Variants in GRIA1 observed in about 807,000 individuals in gnomAD.
The protein encoded by GRIA1 is glutamate receptor 1.
A neutral mutation model predicts 99.2 loss-of-function variants in GRIA1; 31 were observed. The observed-to-expected ratio is 0.31, with a 90% CI of 0.23 to 0.42. The LOEUF (loss-of-function observed/expected upper bound fraction) is 0.42. Among genes scored for constraint, GRIA1 ranks in the 10% least tolerant of loss-of-function variants. The pLI, the probability that GRIA1 is intolerant of heterozygous loss-of-function variation, is 1.00. For synonymous variants in GRIA1, 438 were observed against 432.4 expected (o/e 1.01, Z -0.16); for missense variants, 782 against 1,157.5 (o/e 0.68, Z 4.71).
At chr5:153,685,168 C>T (rs987940740) in intron 7 of GRIA1, among the ~76,000 whole-genome samples, 3 of 152,216 alleles carry the variant, frequency 2.0e-5, no homozygotes, top group African/African-American at 7.2e-5. Context: ...GACACCTCAC[C>T]TCACTGGCCT....
intron 12 of GRIA1, among the ~76,000 whole-genome samples, chr5:153,766,870 C>G (rs1238292047): frequency 6.6e-6 from 1 of 152,176 alleles, no homozygotes; most frequent in Non-Finnish European, 1.5e-5. Context: ...TGACATATTA[C>G]TGCCTCTTGT....
chr5:153,763,492 T>A (rs1294410319), intron 11 of GRIA1, among the ~76,000 whole-genome samples: 1 of 152,216 alleles, frequency 6.6e-6, no homozygotes, highest in Admixed American at 6.5e-5. Flanking sequence ...ACTTCCTTGA[T>A]AAATTGAACA....
At chr5:153,711,196 G>A (rs149484648) in intron 11 of GRIA1, among the ~76,000 whole-genome samples, 136 of 152,250 alleles carry the variant, frequency 8.9e-4, no homozygotes, top group Non-Finnish European at 1.5e-3. Context: ...ACCATTGGAG[G>A]GTTTTAAGCA....
chr5:153,560,504 T>G (rs932702285), intron 2 of GRIA1, among the ~76,000 whole-genome samples: 1 of 152,062 alleles, frequency 6.6e-6, no homozygotes, highest in Non-Finnish European at 1.5e-5. Context: ...TGGGTGTGTG[T>G]TTTTCCGTGC....
Position 153,737,182 on chromosome 5 carries a change from G to T in GRIA1, c.1824-27252G>T, listed in dbSNP as rs1186237045. Among the ~76,000 whole-genome samples, 4 of 149,186 alleles carry T rather than the reference G, an allele frequency of 2.7e-5. No individual in the cohort carries two copies. In the East Asian group the frequency reaches 8.0e-4, roughly 30 times the overall value. ...TTATCATAGTAATAATCACTACCTT[G>T]TTTATCCAGTACCTGAAAGCATTAA... On this transcript the variant is annotated intron_variant, in intron 11 of 15. Transcript: ENST00000285900.
intron 7 of GRIA1, among the ~76,000 whole-genome samples, chr5:153,678,534 G>A (rs192855510): frequency 5.3e-4 from 80 of 152,254 alleles, no homozygotes; most frequent in Non-Finnish European, 5.0e-4. Context: ...GCTTGCAGGG[G>A]AAAATTGCCA....
chr5:153,803,411 G>A (rs1265862334), intron 15 of GRIA1, among the ~76,000 whole-genome samples: 1 of 152,174 alleles, frequency 6.6e-6, no homozygotes, highest in Non-Finnish European at 1.5e-5. Flanking sequence ...CATGATCAAG[G>A]CATCATGAGG....
At chr5:153,713,370 G>A (rs1234973697) in intron 11 of GRIA1, among the ~76,000 whole-genome samples, 3 of 152,258 alleles carry the variant, frequency 2.0e-5, no homozygotes, top group Non-Finnish European at 2.9e-5. Flanking sequence ...TGATTCTGCA[G>A]TCATGGCAGG....
chr5:153,797,455 C>A (rs973306445), intron 14 of GRIA1, among the ~76,000 whole-genome samples: 1 of 152,186 alleles, frequency 6.6e-6, no homozygotes, highest in Non-Finnish European at 1.5e-5. Flanking sequence ...TCTTCTGGAC[C>A]TTGAGCCAGA....
chr5:153,653,795 T>G (rs977673414), intron 4 of GRIA1, among the ~76,000 whole-genome samples: 1 of 152,240 alleles, frequency 6.6e-6, no homozygotes, highest in South Asian at 2.1e-4. Flanking sequence ...GCTTGGCATA[T>G]AATTTATGTT....
In GRIA1 at chr5:153,545,083, TGAG is replaced by T. The variant is rs1397956275; in HGVS notation, c.220+51022_220+51024del. Among the ~76,000 whole-genome samples, 3 of 152,224 alleles carry T rather than the reference TGAG, an allele frequency of 2.0e-5. No homozygotes were observed. The East Asian group carries it at 5.8e-4, about 29-fold the overall frequency. On this transcript the variant is annotated intron_variant, in intron 2 of 15. Coordinates refer to ENST00000285900, the MANE Select transcript of GRIA1 (RefSeq NM_000827.4). ...TGTTTAAGGAAGGCGCCATGTGCTCTGAGGAGACCCTGAATCCATCCCTGGTCC... is the reference window on the plus strand; with the variant it reads ...TGTTTAAGGAAGGCGCCATGTGCTCTGAGACCCTGAATCCATCCCTGGTCC...
rs756611140 is a variant in GRIA1, at chr5:153,698,860, C to T, written c.1246-7C>T. 2.8e-5 allele frequency: 45 copies of T among 1,598,892 alleles called. No homozygotes were observed. In the Middle Eastern group the frequency reaches 2.2e-3, roughly 77 times the overall value. On this transcript the variant is annotated splice_region_variant and splice_polypyrimidine_tract_variant and intron_variant, in intron 9 of 15. Transcript: ENST00000285900. ...CACATTCTGCTATCTCCCCATTTCT[C>T]TTCCAGGAAGATCCTTATGTGATGC... is the stretch of plus-strand genomic sequence containing the variant.
At chr5:153,765,097 G>A (rs1357692496) in intron 12 of GRIA1, among the ~76,000 whole-genome samples, 1 of 152,090 alleles carries the variant, frequency 6.6e-6, no homozygotes, top group Non-Finnish European at 1.5e-5. Context: ...AACTGGAAAA[G>A]GTGATCTATT....
intron 3 of GRIA1, among the ~76,000 whole-genome samples, 191 bp from the exon 4 acceptor site, chr5:153,650,139 A>G (rs1432275107): frequency 6.6e-6 from 1 of 152,164 alleles, no homozygotes; most frequent in African/African-American, 2.4e-5. Flanking sequence ...CACTAGTTCT[A>G]CCATCTATGT....
At chr5:153,702,691 G>A (rs1179830254) in intron 10 of GRIA1, among the ~76,000 whole-genome samples, 1 of 152,142 alleles carries the variant, frequency 6.6e-6, no homozygotes, top group African/African-American at 2.4e-5. Context: ...CTCACCCCAG[G>A]CCCACTGAAT....
chr5:153,702,575 G>A (rs752441219), intron 10 of GRIA1, among the ~76,000 whole-genome samples: 3 of 152,166 alleles, frequency 2.0e-5, no homozygotes, highest in South Asian at 4.1e-4. Flanking sequence ...TAGACATCAC[G>A]TATTTTGTTT....
chr5:153,566,209 A>G (rs1167560801), intron 2 of GRIA1, among the ~76,000 whole-genome samples: 1 of 148,466 alleles, frequency 6.7e-6, no homozygotes, highest in Non-Finnish European at 1.5e-5. Context: ...TTTGATTTAC[A>G]TTTTGTAACG....
At chr5:153,634,133 G>A (rs1420557781) in intron 2 of GRIA1, among the ~76,000 whole-genome samples, 1 of 151,772 alleles carries the variant, frequency 6.6e-6, no homozygotes, top group African/African-American at 2.4e-5. Flanking sequence ...TGGCTAACAC[G>A]GTGAAACCCC....
At position 153,811,317 on chromosome 5, in the gene GRIA1, CG is replaced by C; in HGVS notation, c.*93del. On this transcript the variant is annotated 3_prime_UTR_variant, in exon 16 of 16. Transcript: ENST00000285900. ...TGCCAAAAACAACAACAAAATGAAA[CG>C]CAACCACCACCAACCACTGCGACCA... 1.2e-6 allele frequency: 1 copy of C among 837,674 alleles called. No homozygotes were observed. The highest frequency in any genetic ancestry group is 2.0e-6 in the Non-Finnish European group (1 of 501,566). 51.9% of individuals were successfully genotyped at this position (837,674 alleles called of 1,614,324 possible).
Sources: gnomAD v4.1 joint callset for allele counts (sites outside exome capture counted in the v4.1 genomes callset) on GRCh38, gnomAD v4.1.1 for gene constraint, MANE v1.5 for transcripts, NCBI Gene and HGNC (gene_info 2026-07-23, HGNC 2026-07-21) for gene names.